The following PXDNL variants were observed in gnomAD, a reference collection of about 807,000 sequenced individuals.
The protein encoded by PXDNL is probable oxidoreductase PXDNL.
A neutral mutation model predicts 150.8 loss-of-function variants in PXDNL; 145 were observed. The observed-to-expected ratio is 0.96, with a 90% CI of 0.84 to 1.10. The LOEUF is 1.10. PXDNL is among the 50% of genes least tolerant of loss of function. PXDNL has a pLI of 0.00. For missense variants in PXDNL, 2,087 were observed against 1,873.9 expected (o/e 1.11, Z -2.10); for synonymous variants, 757 against 725.7 (o/e 1.04, Z -0.69).
intron 3 of PXDNL, among the ~76,000 whole-genome samples, chr8:51,561,190 T>C (rs1371949442): frequency 6.6e-6 from 1 of 151,964 alleles, no homozygotes; most frequent in East Asian, 1.9e-4. Flanking sequence ...TATGAAAAAC[T>C]GTATGGAGAG....
At chr8:51,368,401 CATTTCA>C (rs1806983035) in intron 19 of PXDNL, among the ~76,000 whole-genome samples, 1 of 151,936 alleles carries the variant, frequency 6.6e-6, no homozygotes, top group South Asian at 2.1e-4. Context: ...ACTCAGAGTC[CATTTCA>C]ATGTGTTTAG....
In PXDNL at chr8:51,408,649, C is replaced by T; in HGVS notation, c.2975G>A (p.Trp992Ter). 6.2e-7 allele frequency: 1 copy of T among 1,606,172 alleles called. No homozygotes were observed. Among genetic ancestry groups the T allele is most frequent in the Non-Finnish European group, 8.5e-7 (1 of 1,176,190 alleles). The change falls in exon 17 of 23, where the codon TGG (tryptophan) becomes TAG (stop). Residue 992 changes from tryptophan to a stop codon, truncating the protein, a stop_gained. Coordinates refer to ENST00000356297, the MANE Select transcript of PXDNL (RefSeq NM_144651.5). LOFTEE classifies it high-confidence loss of function. ...TTCCTGGTAAACCGTGTTTCCCTCC[C>T]AGTGGGGGTTCAGGGCGGACAGCTC... ...ATELSALNPHWEGNTVYQEAR... is the reference protein window; with the variant it reads ...ATELSALNPH
chr8:51,746,045 CACCG>C (rs1361466381), intron 1 of PXDNL, among the ~76,000 whole-genome samples: 4 of 152,186 alleles, frequency 2.6e-5, no homozygotes, highest in African/African-American at 9.7e-5. Flanking sequence ...AGGCGTGAGC[CACCG>C]TGCCCAGCCC....
At position 51,551,409 on chromosome 8, in the gene PXDNL, T is replaced by G. The variant is rs1488047337; in HGVS notation, c.380+5431A>C. Reference sequence around the variant, plus strand: ...GAACAAATCTGGAGGCATCACATTATCTGACTATAAACTATACTACAAGGC... The same window carrying G: ...GAACAAATCTGGAGGCATCACATTAGCTGACTATAAACTATACTACAAGGC... On this transcript the variant is annotated intron_variant, in intron 4 of 22. Transcript: ENST00000356297. Among the ~76,000 whole-genome samples, 3 of 152,006 alleles carry G rather than the reference T, an allele frequency of 2.0e-5. No homozygotes were observed. The East Asian group carries it at 5.8e-4, about 29-fold the overall frequency.
rs556327334 is a variant in PXDNL, at chr8:51,499,544, A to G, written c.452+155T>C. On this transcript the variant is annotated intron_variant, in intron 5 of 22. Transcript: ENST00000356297. The stretch of plus-strand genomic sequence containing the variant: ...TTTCTCCATTGATCTTAAAGTATAG[A>G]AAGCTTTATATTAACTCTGTTTTGT... Among the ~76,000 whole-genome samples the G allele has an allele frequency of 3.3e-3, 505 of 152,316 alleles. 3 individuals carry two copies. Among genetic ancestry groups the G allele is most frequent in the Non-Finnish European group, 5.3e-3 (363 of 68,028 alleles).
rs187478371 is a variant in PXDNL at position 51,659,856 on chromosome 8, A to G, written c.165-5096T>C. ...TATGACTGTCCAATTCACAAATTGCAGTATTTATTTATTTATTTATTTATT... is the reference window on the plus strand; with the variant it reads ...TATGACTGTCCAATTCACAAATTGCGGTATTTATTTATTTATTTATTTATT... On this transcript the variant is annotated intron_variant, in intron 1 of 22. Coordinates refer to ENST00000356297, the MANE Select transcript of PXDNL (RefSeq NM_144651.5). Among the ~76,000 whole-genome samples the G allele has an allele frequency of 1.1e-3, 163 of 144,722 alleles. 2 individuals carry two copies. The highest frequency in any genetic ancestry group is 3.8e-3 in the African/African-American group (142 of 37,252). The allele number at this position is 144,722 out of a possible 152,430, so 94.9% of individuals were successfully genotyped here.
In PXDNL at chr8:51,588,267, CCT is replaced by C. The variant is rs1813369839; in HGVS notation, c.308+4358_308+4359del. On this transcript the variant is annotated intron_variant, in intron 3 of 22. Transcript: ENST00000356297. ...TTGAATGGGTCTTCTAACTCACAAC[CCT>C]CTTTCTCTACAAAATTCCCTGGTTT... 2.6e-5 allele frequency among the ~76,000 whole-genome samples: 4 copies of C among 152,252 alleles called. No homozygotes were observed. In the South Asian group the frequency reaches 8.3e-4, roughly 32 times the overall value.
chr8:51,809,411 G>A lies in PXDNL; in HGVS notation c.-67C>T. The A allele has an allele frequency of 1.4e-6, 2 of 1,431,264 alleles. No individual in the cohort carries two copies. Among genetic ancestry groups the A allele is most frequent in the Non-Finnish European group, 9.3e-7 (1 of 1,078,992 alleles). 88.7% of individuals were successfully genotyped at this position (1,431,264 alleles called of 1,614,324 possible). On this transcript the variant is annotated 5_prime_UTR_variant, in exon 1 of 23. Coordinates refer to ENST00000356297, the MANE Select transcript of PXDNL (RefSeq NM_144651.5). Reference sequence around the variant, plus strand: ...GAGAGCAGCAGCTGCAGCTGCAGCAGCAACCGCAGTGGTGGTGATGGTGGC... The same window carrying A: ...GAGAGCAGCAGCTGCAGCTGCAGCAACAACCGCAGTGGTGGTGATGGTGGC...
intron 8 of PXDNL, among the ~76,000 whole-genome samples, chr8:51,469,643 T>C (rs1422281929): frequency 6.6e-6 from 1 of 152,106 alleles, no homozygotes; most frequent in East Asian, 1.9e-4. Context: ...ATAATGATAA[T>C]GAAAGGAAAC....
chr8:51,797,824 T>C (rs879134402), intron 1 of PXDNL, among the ~76,000 whole-genome samples: 1 of 152,092 alleles, frequency 6.6e-6, no homozygotes, highest in Non-Finnish European at 1.5e-5. Context: ...GAAAAAAAAC[T>C]ACTTTAAAAT....
chr8:51,718,150 A>G (rs1198998172), intron 1 of PXDNL, among the ~76,000 whole-genome samples: 1 of 152,148 alleles, frequency 6.6e-6, no homozygotes, highest in Non-Finnish European at 1.5e-5. Flanking sequence ...AGCATGGGCA[A>G]GTACACAGGA....
intron 1 of PXDNL, among the ~76,000 whole-genome samples, chr8:51,728,538 G>A (rs1275736798): frequency 6.6e-6 from 1 of 151,984 alleles, no homozygotes; most frequent in African/African-American, 2.4e-5. Context: ...TGCAGGCCTA[G>A]GCGAATGTGT....
chr8:51,760,845 C>CTTTTTTTTT (rs71237237), intron 1 of PXDNL, among the ~76,000 whole-genome samples: 456 of 45,492 alleles, frequency 0.01, 158 homozygotes, highest in East Asian at 0.016. Flanking sequence ...ATCACTTAAA[C>CTTTTTTTTT]TTTTTTTTTT....
intron 17 of PXDNL, among the ~76,000 whole-genome samples, chr8:51,387,319 T>A (rs1191893669): frequency 6.6e-6 from 1 of 152,198 alleles, no homozygotes; most frequent in East Asian, 1.9e-4. Flanking sequence ...TTAACTATGG[T>A]AATAGAGCCA....
intron 21 of PXDNL, among the ~76,000 whole-genome samples, chr8:51,324,916 A>C (rs1190893338): frequency 6.6e-6 from 1 of 151,278 alleles, no homozygotes; most frequent in Non-Finnish European, 1.5e-5. Context: ...TTTGAGACAG[A>C]GTCTCACTCT....
intron 21 of PXDNL, among the ~76,000 whole-genome samples, chr8:51,333,870 G>A (rs1049649866): frequency 6.6e-6 from 1 of 152,078 alleles, no homozygotes; most frequent in African/African-American, 2.4e-5. Flanking sequence ...CATTAATACT[G>A]GGGGACTTCA....
At chr8:51,760,897 C>A (rs1302429381) in intron 1 of PXDNL, among the ~76,000 whole-genome samples, 1 of 110,384 alleles carries the variant, frequency 9.1e-6, no homozygotes, top group Non-Finnish European at 1.8e-5. Flanking sequence ...CTCGCTCTGT[C>A]GCCCAGGCTG....
At chr8:51,344,701 ATTACAGAATGTGTG>A (rs2130697483) in intron 20 of PXDNL, among the ~76,000 whole-genome samples, 1 of 152,360 alleles carries the variant, frequency 6.6e-6, no homozygotes, top group East Asian at 1.9e-4. Flanking sequence ...AGCATGTGTC[ATTACAGAATGTGTG>A]TTACAGAATG....
chr8:51,481,941 G>A (rs953785532), intron 6 of PXDNL, among the ~76,000 whole-genome samples: 1 of 152,226 alleles, frequency 6.6e-6, no homozygotes, highest in Non-Finnish European at 1.5e-5. Context: ...AGTGTGGAAG[G>A]GAAATGTGGG....
Sources: gnomAD v4.1 joint callset for allele counts (sites outside exome capture counted in the v4.1 genomes callset) on GRCh38, gnomAD v4.1.1 for gene constraint, MANE v1.5 for transcripts, NCBI Gene and HGNC (gene_info 2026-07-23, HGNC 2026-07-21) for gene names.